CNOT6L: variants seen among roughly 807,000 people sequenced by gnomAD.
CNOT6L encodes CCR4-NOT transcription complex subunit 6-like.
CNOT6L carries 7 observed loss-of-function variants against 64.0 expected under a neutral mutation model. The ratio of observed to expected loss-of-function variants is 0.11; its 90% confidence interval spans 0.06 to 0.21. The LOEUF is 0.21. Among genes scored for constraint, CNOT6L ranks in the 10% least tolerant of loss-of-function variants. The pLI is 1.00. For missense variants in CNOT6L, 245 were observed against 669.0 expected, an observed-to-expected ratio of 0.37 and a Z score of 6.99; for synonymous variants, 193 against 243.4, an observed-to-expected ratio of 0.79 and a Z score of 1.93.
At chr4:77,774,403 T>C (rs1486755024) in intron 3 of CNOT6L, 127 bp downstream of exon 3, 3 of 738,810 alleles carry the variant, frequency 4.1e-6, no homozygotes, top group African/African-American at 3.7e-5. Context: ...TCAAGCACTA[T>C]GCTTAGACAG....
chr4:77,754,321 T>G (rs1725209121), intron 5 of CNOT6L, among the ~76,000 whole-genome samples: 1 of 152,190 alleles, frequency 6.6e-6, no homozygotes, highest in Non-Finnish European at 1.5e-5. Context: ...ATCTTTAAAA[T>G]GACTATTTTT....
At chr4:77,812,974 G>A (rs1273959631) in intron 1 of CNOT6L, among the ~76,000 whole-genome samples, 2 of 152,248 alleles carry the variant, frequency 1.3e-5, no homozygotes, top group South Asian at 4.1e-4. Flanking sequence ...CAGTAGTCAA[G>A]ACCATACTAG....
At chr4:77,778,681 A>G in intron 1 of CNOT6L, among the ~76,000 whole-genome samples, 1 of 150,238 alleles carries the variant, frequency 6.7e-6, no homozygotes, top group African/African-American at 2.5e-5. Flanking sequence ...CTGGGATTAC[A>G]GGCATCCCAA....
At chr4:77,728,815 G>A (rs1392777331) in intron 10 of CNOT6L, 39 bp downstream of exon 10, 5 of 1,537,030 alleles carry the variant, frequency 3.3e-6, no homozygotes, top group Non-Finnish European at 4.5e-6. Context: ...AAGAGTAAAA[G>A]TGAAATTGAA....
At chr4:77,799,913 C>T (rs1731319192) in intron 1 of CNOT6L, among the ~76,000 whole-genome samples, 1 of 151,896 alleles carries the variant, frequency 6.6e-6, no homozygotes, top group African/African-American at 2.4e-5. Flanking sequence ...ATATGAAATC[C>T]TTCATCTTTT....
At chr4:77,730,062 T>C (rs1722275475) in intron 9 of CNOT6L, among the ~76,000 whole-genome samples, 1 of 152,090 alleles carries the variant, frequency 6.6e-6, no homozygotes, top group African/African-American at 2.4e-5. Context: ...ACAAATTTAA[T>C]TTTTCTTTTA....
At chr4:77,747,873 T>C (rs1724384913) in intron 6 of CNOT6L, among the ~76,000 whole-genome samples, 1 of 152,194 alleles carries the variant, frequency 6.6e-6, no homozygotes, top group South Asian at 2.1e-4. Context: ...CCATAAATGT[T>C]ATCTATCTCT....
chr4:77,752,400 AAACT>A (rs777897270), intron 5 of CNOT6L, among the ~76,000 whole-genome samples: 11 of 152,234 alleles, frequency 7.2e-5, no homozygotes, highest in Admixed American at 2.0e-4. Context: ...ATGAACAAAC[AAACT>A]AACATATAGG....
intron 11 of CNOT6L, among the ~76,000 whole-genome samples, chr4:77,725,846 T>C (rs1721795097): frequency 6.6e-6 from 1 of 152,070 alleles, no homozygotes; most frequent in African/African-American, 2.4e-5. Flanking sequence ...AAGTTAGGGA[T>C]GGTTTGAGCA....
chr4:77,751,900 AG>A (rs1490357622), intron 5 of CNOT6L, among the ~76,000 whole-genome samples: 1 of 152,214 alleles, frequency 6.6e-6, no homozygotes, highest in East Asian at 1.9e-4. Flanking sequence ...GGCCAGATGC[AG>A]TGGATTACAC....
intron 10 of CNOT6L, 119 bp from the exon 11 acceptor site, chr4:77,726,488 C>A: frequency 1.5e-6 from 1 of 662,648 alleles, no homozygotes; most frequent in Non-Finnish European, 2.5e-6. Flanking sequence ...TAGGTTGAGC[C>A]ATATAAAACT....
chr4:77,785,130 C>T (rs985947263), intron 1 of CNOT6L, among the ~76,000 whole-genome samples: 1 of 152,180 alleles, frequency 6.6e-6, no homozygotes, highest in East Asian at 1.9e-4. Context: ...AATAGACCCA[C>T]ATACATGGTC....
intron 1 of CNOT6L, among the ~76,000 whole-genome samples, chr4:77,778,143 T>C (rs1214705615): frequency 6.6e-6 from 1 of 152,206 alleles, no homozygotes; most frequent in Non-Finnish European, 1.5e-5. Context: ...TTCTACCATA[T>C]TCAGCCTATA....
intron 1 of CNOT6L, among the ~76,000 whole-genome samples, chr4:77,779,121 T>G (rs1305880445): frequency 6.6e-6 from 1 of 151,548 alleles, no homozygotes; most frequent in Non-Finnish European, 1.5e-5. Flanking sequence ...TAATCTGTTT[T>G]AATCACGGCT....
chr4:77,755,797 A>AGTGG (rs1725497345), intron 5 of CNOT6L, among the ~76,000 whole-genome samples: 2 of 152,178 alleles, frequency 1.3e-5, no homozygotes, highest in African/African-American at 4.8e-5. Context: ...CATCATGGCC[A>AGTGG]CTATGCTGGA....
chr4:77,763,451 A>G (rs1341465173), intron 4 of CNOT6L, among the ~76,000 whole-genome samples: 1 of 152,148 alleles, frequency 6.6e-6, no homozygotes, highest in Non-Finnish European at 1.5e-5. Context: ...AGACACTAGC[A>G]TCATAAGATT....
chr4:77,756,014 C>T (rs1422976092), intron 5 of CNOT6L, among the ~76,000 whole-genome samples: 10 of 151,764 alleles, frequency 6.6e-5, no homozygotes, highest in African/African-American at 1.2e-4. Context: ...GACAGAGTCA[C>T]GCTCTGTCAC....
rs1277377126 is a variant in CNOT6L, at chr4:77,797,127, C to A, written c.6-20735G>T. Reference sequence around the variant, plus strand: ...CAAAAAAAAAAAAAAAAAAAAAAAACTGCCAAGGATATTCACTGGGGAGGA... The same window carrying A: ...CAAAAAAAAAAAAAAAAAAAAAAAAATGCCAAGGATATTCACTGGGGAGGA... On this transcript the variant is annotated intron_variant, in intron 1 of 11. Transcript: ENST00000504123. 3.2e-3 allele frequency among the ~76,000 whole-genome samples: 116 copies of A among 36,424 alleles called. 1 individual carries two copies. The highest frequency in any genetic ancestry group is 4.1e-3 in the Non-Finnish European group (57 of 14,022). The allele number at this position is 36,424 out of a possible 152,430, so 23.9% of individuals were successfully genotyped here.
intron 1 of CNOT6L, among the ~76,000 whole-genome samples, chr4:77,783,799 T>C (rs1048824648): frequency 2.0e-5 from 3 of 151,932 alleles, no homozygotes; most frequent in Non-Finnish European, 4.4e-5. Flanking sequence ...ACCAAATAAT[T>C]AGATAACCCA....
Sources: allele counts gnomAD v4.1 joint callset (sites outside exome capture counted in the v4.1 genomes callset), GRCh38; gene constraint gnomAD v4.1.1; transcripts MANE v1.5; gene names NCBI Gene and HGNC (gene_info 2026-07-23, HGNC 2026-07-21).